The following LARGE1 variants were observed in gnomAD, a reference collection of about 807,000 sequenced individuals.
LARGE1 encodes LARGE xylosyl- and glucuronyltransferase 1.
Under a neutral mutation model 87.6 loss-of-function variants are expected in LARGE1, and 43 were observed. The ratio of observed to expected loss-of-function variants is 0.49; its 90% CI spans 0.38 to 0.63. The LOEUF is 0.63. Among genes scored for constraint, LARGE1 ranks in the 30% least tolerant of loss-of-function variants. The probability of loss-of-function intolerance (pLI) is 0.00; values close to 1 mark genes in which losing one functional copy is unlikely to be tolerated. For synonymous variants in LARGE1, 434 were observed against 394.6 expected, an observed-to-expected ratio of 1.10 and a Z score of -1.18; for missense variants, 802 against 1,000.2, an observed-to-expected ratio of 0.80 and a Z score of 2.67.
chr22:33,485,640 G>A (rs1018894868), intron 6 of LARGE1, among the ~76,000 whole-genome samples: 17 of 152,156 alleles, frequency 1.1e-4, no homozygotes, highest in African/African-American at 3.6e-4. Flanking sequence ...CTGTCACTTA[G>A]ACGTTGTTTT....
chr22:33,171,104 C>T (rs995797319), intron 11 of LARGE1, among the ~76,000 whole-genome samples: 10 of 152,082 alleles, frequency 6.6e-5, no homozygotes, highest in Non-Finnish European at 1.0e-4. Context: ...TTGCCCCTGC[C>T]GTAGAGATCT....
chr22:33,794,131 C>T (rs1045590058), intron 1 of LARGE1, among the ~76,000 whole-genome samples: 4 of 152,076 alleles, frequency 2.6e-5, no homozygotes, highest in African/African-American at 9.7e-5. Context: ...AGAAGCTTCC[C>T]AGGACCCACA....
At chr22:33,107,994 G>A in the LARGE1 span, among the ~76,000 whole-genome samples, 1 of 151,948 alleles carries the variant, frequency 6.6e-6, no homozygotes, top group Non-Finnish European at 1.5e-5. Context: ...CATGCATATA[G>A]AAAATGAATA....
intron 10 of LARGE1, among the ~76,000 whole-genome samples, chr22:33,324,029 C>T (rs570674995): frequency 1.6e-3 from 236 of 151,916 alleles, no homozygotes; most frequent in African/African-American, 5.0e-3. Flanking sequence ...GTCGGGAGTT[C>T]GAGACCAGCC....
chr22:33,158,963 T>C (rs2008433708), downstream of LARGE1, among the ~76,000 whole-genome samples: 1 of 152,242 alleles, frequency 6.6e-6, no homozygotes, highest in Non-Finnish European at 1.5e-5. Context: ...GCAAAATGTT[T>C]ATACATTTGA....
chr22:33,581,745 G>A (rs1013885577), intron 5 of LARGE1, among the ~76,000 whole-genome samples: 2 of 150,224 alleles, frequency 1.3e-5, no homozygotes, highest in Non-Finnish European at 2.9e-5. Context: ...CCAGGAGGCA[G>A]AGGTTGCAGT....
chr22:33,849,615 T>C (rs2063529683), intron 1 of LARGE1, among the ~76,000 whole-genome samples: 1 of 109,198 alleles, frequency 9.2e-6, no homozygotes, highest in African/African-American at 3.4e-5. Flanking sequence ...TTTTTTTTTT[T>C]TGAGACAGAG....
intron 1 of LARGE1, among the ~76,000 whole-genome samples, chr22:33,771,222 G>A (rs1279302487): frequency 2.7e-5 from 4 of 148,950 alleles, no homozygotes; most frequent in Admixed American, 1.4e-4. Flanking sequence ...ATGCTGCCAC[G>A]GTTTGTTACT....
At chr22:33,329,306 G>T (rs1017951499) in intron 10 of LARGE1, among the ~76,000 whole-genome samples, 2 of 99,568 alleles carry the variant, frequency 2.0e-5, no homozygotes, top group Non-Finnish European at 4.2e-5. Flanking sequence ...ATTCATTGGT[G>T]TCCAGTGTAT....
intron 1 of LARGE1, among the ~76,000 whole-genome samples, chr22:33,894,503 A>G (rs1032115400): frequency 1.3e-5 from 2 of 152,110 alleles, no homozygotes; most frequent in Non-Finnish European, 2.9e-5. Flanking sequence ...CCTACCCGAC[A>G]CTGTCCCACT....
chr22:33,528,397 T>C (rs2072022042), intron 6 of LARGE1, among the ~76,000 whole-genome samples: 1 of 152,092 alleles, frequency 6.6e-6, no homozygotes, highest in Non-Finnish European at 1.5e-5. Context: ...CAATAAGCTA[T>C]AGGAGGAGTC....
At chr22:33,277,778 G>C (rs560689856) in intron 13 of LARGE1, among the ~76,000 whole-genome samples, 2 of 152,286 alleles carry the variant, frequency 1.3e-5, no homozygotes, top group East Asian at 1.9e-4. Flanking sequence ...TGCTGCAGCA[G>C]CTGCAGGAAA....
chr22:33,511,991 A>C (rs1569226816), intron 6 of LARGE1, among the ~76,000 whole-genome samples: 1 of 152,186 alleles, frequency 6.6e-6, no homozygotes, highest in Non-Finnish European at 1.5e-5. Flanking sequence ...TTGACCATAC[A>C]GTTGTTTTTT....
At chr22:33,128,382 A>C in the LARGE1 span, among the ~76,000 whole-genome samples, 15 of 152,364 alleles carry the variant, frequency 9.8e-5, no homozygotes, top group Non-Finnish European at 2.1e-4. Context: ...CTGGATAAAG[A>C]AAATGTGGTA....
intron 6 of LARGE1, among the ~76,000 whole-genome samples, chr22:33,459,139 C>G (rs1358574537): frequency 1.3e-5 from 2 of 152,106 alleles, no homozygotes; most frequent in Non-Finnish European, 2.9e-5. Flanking sequence ...CCTCGGCCCC[C>G]AACAGACCCT....
chr22:33,673,004 G>A (rs2081462490), intron 2 of LARGE1, among the ~76,000 whole-genome samples: 2 of 152,174 alleles, frequency 1.3e-5, no homozygotes, highest in African/African-American at 4.8e-5. Context: ...GTCGGGTGTA[G>A]TGGCTCACAC....
intron 1 of LARGE1, among the ~76,000 whole-genome samples, chr22:33,916,377 A>G (rs1159147362): frequency 6.6e-6 from 1 of 152,216 alleles, no homozygotes; most frequent in Non-Finnish European, 1.5e-5. Context: ...TGTAACCTCC[A>G]CACAGAGCAT....
At chr22:33,283,442 A>C in intron 12 of LARGE1, 94 bp from the exon 13 acceptor site, 2 of 1,384,282 alleles carry the variant, frequency 1.4e-6, no homozygotes, top group South Asian at 2.3e-5. Flanking sequence ...GGCCCGGGGA[A>C]GTGTGGGAAA....
At chr22:33,212,163 A>G (rs961907674) in intron 11 of LARGE1, among the ~76,000 whole-genome samples, 9 of 152,150 alleles carry the variant, frequency 5.9e-5, no homozygotes, top group African/African-American at 2.2e-4. Context: ...GTTAAAAAAA[A>G]AAAAGCCATC....
Sources: gnomAD v4.1 joint callset for allele counts (sites outside exome capture counted in the v4.1 genomes callset) on GRCh38, gnomAD v4.1.1 for gene constraint, MANE v1.5 for transcripts, NCBI Gene and HGNC (gene_info 2026-07-23, HGNC 2026-07-21) for gene names.